ACYP2: variants seen among roughly 807,000 people sequenced by gnomAD.
ACYP2 encodes the protein acylphosphatase-2.
A neutral mutation model predicts 11.2 loss-of-function variants in ACYP2; 12 were observed. That is an observed-to-expected ratio of 1.08 (90% confidence interval 0.69 to 1.74). The LOEUF is 1.74. ACYP2 is among the 40% of genes most tolerant of loss of function. ACYP2 has a pLI of 0.00. For missense variants in ACYP2, 134 were observed against 101.9 expected (o/e 1.31, Z -1.35); for synonymous variants, 43 against 32.2 (o/e 1.33, Z -1.13).
chr2:54,132,166 T>A (rs75009128), intron 4 of ACYP2, among the ~76,000 whole-genome samples: 1 of 140,750 alleles, frequency 7.1e-6, no homozygotes. Flanking sequence ...CTTACCCTTA[T>A]GATAAAAAGA....
intron 6 of ACYP2, among the ~76,000 whole-genome samples, chr2:54,285,304 C>T (rs1440895571): frequency 6.6e-6 from 1 of 152,160 alleles, no homozygotes; most frequent in Non-Finnish European, 1.5e-5. Context: ...TCTAGGATAC[C>T]ACGGTCTCCT....
chr2:54,025,501 T>C (rs959196742), intron 2 of ACYP2, among the ~76,000 whole-genome samples: 11 of 152,112 alleles, frequency 7.2e-5, no homozygotes, highest in African/African-American at 2.7e-4. Flanking sequence ...CAACAAATGG[T>C]GCTGGGATAA....
At chr2:54,059,255 G>C (rs1487436112) in intron 4 of ACYP2, among the ~76,000 whole-genome samples, 1 of 148,276 alleles carries the variant, frequency 6.7e-6, no homozygotes, top group African/African-American at 2.5e-5. Context: ...TTTTGCTCTT[G>C]TTGCCCGGGC....
intron 4 of ACYP2, among the ~76,000 whole-genome samples, chr2:54,088,785 C>T (rs1309332308): frequency 1.3e-5 from 2 of 152,210 alleles, no homozygotes; most frequent in Non-Finnish European, 2.9e-5. Flanking sequence ...CCAGAGTTTT[C>T]ATTTCAGATT....
chr2:54,208,207 CTT>C (rs1298417097), intron 6 of ACYP2, among the ~76,000 whole-genome samples: 33 of 150,820 alleles, frequency 2.2e-4, no homozygotes, highest in Admixed American at 8.6e-4. Flanking sequence ...AAAAAAAAAA[CTT>C]TTTATTTCCC....
intron 6 of ACYP2, among the ~76,000 whole-genome samples, chr2:54,156,417 C>T (rs1457523567): frequency 6.6e-6 from 1 of 152,132 alleles, no homozygotes; most frequent in Non-Finnish European, 1.5e-5. Flanking sequence ...GCTCTCCCTC[C>T]CCTGCTCCCC....
At chr2:54,276,814 C>A (rs1295745015) in intron 6 of ACYP2, among the ~76,000 whole-genome samples, 1 of 152,138 alleles carries the variant, frequency 6.6e-6, no homozygotes, top group African/African-American at 2.4e-5. Context: ...GGGGTAACCA[C>A]TATTATCCCT....
intron 6 of ACYP2, among the ~76,000 whole-genome samples, chr2:54,171,539 A>G (rs1402137260): frequency 1.3e-5 from 2 of 152,208 alleles, no homozygotes; most frequent in Non-Finnish European, 2.9e-5. Flanking sequence ...GTTGGTTGCT[A>G]AATACATTAT....
intron 4 of ACYP2, among the ~76,000 whole-genome samples, chr2:54,123,832 C>A (rs189362654): frequency 1.5e-3 from 227 of 152,294 alleles, no homozygotes; most frequent in Middle Eastern, 3.4e-3. Context: ...AAGTCAGCCC[C>A]TGTTGAAGAG....
At chr2:54,094,430 T>A (rs1474467390) in intron 4 of ACYP2, among the ~76,000 whole-genome samples, 1 of 151,678 alleles carries the variant, frequency 6.6e-6, no homozygotes, top group Non-Finnish European at 1.5e-5. Context: ...GGGTTTCACA[T>A]GTTTGCCAGG....
At chr2:54,278,562 A>G (rs1023306653) in intron 6 of ACYP2, among the ~76,000 whole-genome samples, 9 of 152,194 alleles carry the variant, frequency 5.9e-5, no homozygotes, top group Admixed American at 1.3e-4. Context: ...GTCTGTGGGG[A>G]AAACTGCTAG....
intron 4 of ACYP2, among the ~76,000 whole-genome samples, chr2:54,100,610 A>G (rs991885126): frequency 2.0e-5 from 3 of 152,022 alleles, no homozygotes; most frequent in African/African-American, 7.2e-5. Context: ...CACCCACCCG[A>G]GATCCTCCTT....
intron 6 of ACYP2, among the ~76,000 whole-genome samples, chr2:54,146,364 T>C (rs1187142589): frequency 1.3e-5 from 2 of 152,156 alleles, no homozygotes; most frequent in African/African-American, 4.8e-5. Flanking sequence ...GGAGAATGTT[T>C]TTTCTTTGAC....
rs577411347 is a variant in ACYP2, at chr2:53,975,775, T to A, written c.62+1965T>A. ...TAAACCCGGGAGGCAGAGGTTGCAG[T>A]GAGCCAAGATCGCGCCACTGCACTC... On this transcript the variant is annotated intron_variant, in intron 2 of 6. Transcript: ENST00000607452. Among the ~76,000 whole-genome samples the A allele has an allele frequency of 2.5e-4, 38 of 152,192 alleles. No individual in the cohort carries two copies. In the South Asian group the frequency reaches 7.7e-3, roughly 31 times the overall value.
At chr2:54,176,065 T>C (rs1258711273) in intron 6 of ACYP2, among the ~76,000 whole-genome samples, 2 of 152,182 alleles carry the variant, frequency 1.3e-5, no homozygotes, top group African/African-American at 4.8e-5. Flanking sequence ...GCCTCAATCT[T>C]GGAATTCCTG....
At chr2:54,037,502 C>T (rs981451788) in intron 2 of ACYP2, among the ~76,000 whole-genome samples, 5 of 152,018 alleles carry the variant, frequency 3.3e-5, no homozygotes, top group Non-Finnish European at 1.5e-5. Flanking sequence ...CCTCAACCTC[C>T]TAGGCTCGAG....
intron 2 of ACYP2, among the ~76,000 whole-genome samples, chr2:54,039,611 G>A (rs1008181244): frequency 1.3e-5 from 2 of 151,952 alleles, no homozygotes; most frequent in African/African-American, 4.8e-5. Flanking sequence ...ATTTTTGGTA[G>A]AGATGGGGTT....
intron 6 of ACYP2, among the ~76,000 whole-genome samples, chr2:54,177,447 A>C (rs1683508556): frequency 6.6e-6 from 1 of 152,188 alleles, no homozygotes; most frequent in African/African-American, 2.4e-5. Context: ...TAGTGCTGCC[A>C]GCCCTGGGGT....
chr2:54,105,625 T>C (rs911673145), intron 4 of ACYP2, among the ~76,000 whole-genome samples: 1 of 151,774 alleles, frequency 6.6e-6, no homozygotes, highest in African/African-American at 2.4e-5. Context: ...GCCTCCCGAG[T>C]AGCTGGAACT....
Sources: gnomAD v4.1 joint callset for allele counts (sites outside exome capture counted in the v4.1 genomes callset) on GRCh38, gnomAD v4.1.1 for gene constraint, MANE v1.5 for transcripts, NCBI Gene and HGNC (gene_info 2026-07-23, HGNC 2026-07-21) for gene names.